CDH9: variants seen among roughly 807,000 people sequenced by gnomAD.
The protein encoded by CDH9 is cadherin-9.
A neutral mutation model predicts 70.9 loss-of-function variants in CDH9; 28 were observed. That is an observed-to-expected ratio of 0.40 (90% CI 0.29 to 0.54). The LOEUF (loss-of-function observed/expected upper bound fraction) is 0.54, where lower values mean the gene tolerates loss of function less well. CDH9 is among the 20% of genes least tolerant of loss of function. CDH9 has a pLI of 0.59. For synonymous variants in CDH9, 409 were observed against 343.1 expected (o/e 1.19, Z -2.12); for missense variants, 874 against 984.4 (o/e 0.89, Z 1.50).
At chr5:26,892,438 T>A (rs1411790257) in intron 7 of CDH9, among the ~76,000 whole-genome samples, 1 of 152,204 alleles carries the variant, frequency 6.6e-6, no homozygotes, top group Admixed American at 6.5e-5. Flanking sequence ...AGGTTTTATA[T>A]AGCAGTTTTA....
intron 2 of CDH9, among the ~76,000 whole-genome samples, chr5:26,960,409 C>T (rs1014127756): frequency 2.6e-5 from 4 of 151,908 alleles, no homozygotes; most frequent in Admixed American, 6.6e-5. Context: ...AGTATGCTTA[C>T]GATACTAAAG....
At chr5:26,895,098 A>C (rs1361028769) in intron 7 of CDH9, among the ~76,000 whole-genome samples, 1 of 151,016 alleles carries the variant, frequency 6.6e-6, no homozygotes, top group Non-Finnish European at 1.5e-5. Context: ...TCAAGAATGC[A>C]TTCCTTTTTC....
At chr5:26,970,187 A>T (rs1173134379) in intron 2 of CDH9, among the ~76,000 whole-genome samples, 2 of 151,776 alleles carry the variant, frequency 1.3e-5, no homozygotes, top group Non-Finnish European at 2.9e-5. Context: ...AAAATACCGA[A>T]TTATAATATT....
intron 1 of CDH9, among the ~76,000 whole-genome samples, chr5:27,005,536 T>C (rs1453104506): frequency 6.6e-6 from 1 of 152,026 alleles, no homozygotes. Flanking sequence ...GACGAGGTCG[T>C]GGAGAAAAGC....
intron 1 of CDH9, among the ~76,000 whole-genome samples, chr5:27,023,009 T>C (rs978458670): frequency 1.3e-5 from 2 of 152,098 alleles, no homozygotes; most frequent in Non-Finnish European, 2.9e-5. Flanking sequence ...ACGACTATTT[T>C]CAAGCAAAGT....
At chr5:26,948,463 T>C (rs1435321000) in intron 2 of CDH9, among the ~76,000 whole-genome samples, 1 of 152,226 alleles carries the variant, frequency 6.6e-6, no homozygotes, top group Non-Finnish European at 1.5e-5. Flanking sequence ...GGATGGCACA[T>C]AGCACATATC....
intron 8 of CDH9, 40 bp downstream of exon 8, chr5:26,890,388 T>A (rs1375861659): frequency 6.3e-7 from 1 of 1,582,548 alleles, no homozygotes; most frequent in Non-Finnish European, 8.7e-7. Context: ...ACCACTTTGA[T>A]GAAAGACAGT....
chr5:26,909,489 G>A (rs1741010036), intron 3 of CDH9, among the ~76,000 whole-genome samples: 1 of 149,946 alleles, frequency 6.7e-6, no homozygotes, highest in Middle Eastern at 3.6e-3. Context: ...TTTATATATT[G>A]CATCTCATAT....
chr5:26,921,252 T>G (rs1320032222), intron 2 of CDH9, among the ~76,000 whole-genome samples: 2 of 151,988 alleles, frequency 1.3e-5, no homozygotes, highest in Admixed American at 6.6e-5. Context: ...ACCCTTAAGA[T>G]GCCCAGTAAT....
chr5:27,006,128 G>A (rs1361782552), intron 1 of CDH9, among the ~76,000 whole-genome samples: 1 of 151,842 alleles, frequency 6.6e-6, no homozygotes, highest in Non-Finnish European at 1.5e-5. Flanking sequence ...TGATACAAAT[G>A]CACCTTTGTA....
intron 2 of CDH9, among the ~76,000 whole-genome samples, chr5:26,920,046 C>A (rs1388559159): frequency 1.3e-5 from 2 of 151,984 alleles, no homozygotes; most frequent in Non-Finnish European, 2.9e-5. Flanking sequence ...ACCAGCTTGG[C>A]CACAGTGGGG....
At chr5:26,934,555 C>G (rs534640315) in intron 2 of CDH9, among the ~76,000 whole-genome samples, 62 of 152,228 alleles carry the variant, frequency 4.1e-4, no homozygotes, top group African/African-American at 1.5e-3. Context: ...CTAATCACCT[C>G]CCACCAGGCC....
chr5:26,978,650 T>C (rs1218292452), intron 2 of CDH9, among the ~76,000 whole-genome samples: 1 of 139,984 alleles, frequency 7.1e-6, no homozygotes, highest in Non-Finnish European at 1.6e-5. Flanking sequence ...AGGAGGCCAG[T>C]GAATTTCAAA....
chr5:27,007,350 T>C (rs1742881593), intron 1 of CDH9, among the ~76,000 whole-genome samples: 2 of 151,894 alleles, frequency 1.3e-5, no homozygotes, highest in South Asian at 4.2e-4. Flanking sequence ...AATGGGTAGG[T>C]GGATGGGGAG....
chr5:26,901,638 C>T (rs936156273), intron 7 of CDH9, among the ~76,000 whole-genome samples: 2 of 151,818 alleles, frequency 1.3e-5, no homozygotes, highest in African/African-American at 4.8e-5. Flanking sequence ...ATATATTTAA[C>T]AGATTATTGT....
intron 7 of CDH9, among the ~76,000 whole-genome samples, chr5:26,894,717 C>G (rs1272960600): frequency 2.0e-5 from 3 of 151,980 alleles, no homozygotes; most frequent in Non-Finnish European, 2.9e-5. Flanking sequence ...GCCTGATAAA[C>G]CCTTAACACA....
chr5:26,934,451 C>T (rs1741524212), intron 2 of CDH9, among the ~76,000 whole-genome samples: 1 of 152,178 alleles, frequency 6.6e-6, no homozygotes, highest in Non-Finnish European at 1.5e-5. Context: ...GGCTACAGAA[C>T]AAGACCCATC....
intron 2 of CDH9, among the ~76,000 whole-genome samples, chr5:26,963,689 C>G (rs1259530496): frequency 2.0e-5 from 3 of 151,970 alleles, no homozygotes; most frequent in African/African-American, 7.3e-5. Flanking sequence ...ACCATATAAT[C>G]TGCGAACATT....
chr5:27,031,071 G>T (rs76528390), intron 1 of CDH9, among the ~76,000 whole-genome samples: 507 of 151,058 alleles, frequency 3.4e-3, no homozygotes, highest in Non-Finnish European at 5.9e-3. Context: ...TCACCATAAA[G>T]GTAATTAAAG....
Sources: gnomAD v4.1 joint callset for allele counts (sites outside exome capture counted in the v4.1 genomes callset) on GRCh38, gnomAD v4.1.1 for gene constraint, MANE v1.5 for transcripts, NCBI Gene and HGNC (gene_info 2026-07-23, HGNC 2026-07-21) for gene names.